Variants in KALRN observed in about 807,000 individuals in gnomAD.
The protein encoded by KALRN is kalirin.
KALRN carries 70 observed loss-of-function variants against 353.7 expected under a neutral mutation model. The ratio of observed to expected loss-of-function variants is 0.20; its 90% CI spans 0.16 to 0.24. The LOEUF is 0.24. KALRN is among the 10% of genes least tolerant of loss of function. The pLI is 1.00. For missense variants in KALRN, 2,791 were observed against 3,756.7 expected, an observed-to-expected ratio of 0.74 and a Z score of 6.72; for synonymous variants, 1,391 against 1,434.8, an observed-to-expected ratio of 0.97 and a Z score of 0.69.
At chr3:124,504,927 CA>C (rs1420434492) in intron 33 of KALRN, 2 of 508,278 alleles carry the variant, frequency 3.9e-6, no homozygotes, top group Non-Finnish European at 8.1e-6. Context: ...TAGCTGGAGA[CA>C]GTCCAAGGCA....
At chr3:124,559,432 G>T (rs1486407659) in intron 33 of KALRN, among the ~76,000 whole-genome samples, 1 of 152,160 alleles carries the variant, frequency 6.6e-6, no homozygotes, top group Non-Finnish European at 1.5e-5. Flanking sequence ...AGGGTTCTAG[G>T]GAATTAGGCA....
intron 1 of KALRN, among the ~76,000 whole-genome samples, chr3:124,061,755 C>T (rs980341946): frequency 2.0e-5 from 3 of 152,106 alleles, no homozygotes; most frequent in African/African-American, 7.2e-5. Flanking sequence ...GTGTGAGTAC[C>T]TTTGTTTTAG....
intron 1 of KALRN, among the ~76,000 whole-genome samples, chr3:124,183,321 G>A (rs2073849812): frequency 6.6e-6 from 1 of 152,174 alleles, no homozygotes; most frequent in South Asian, 2.1e-4. Flanking sequence ...TCTGCTTCTG[G>A]TGAGGTCTCA....
intron 10 of KALRN, among the ~76,000 whole-genome samples, chr3:124,349,732 A>G (rs570459203): frequency 6.6e-6 from 1 of 152,312 alleles, no homozygotes; most frequent in South Asian, 2.1e-4. Flanking sequence ...AAAAAAAAAG[A>G]AAGCCTCATA....
intron 24 of KALRN, among the ~76,000 whole-genome samples, chr3:124,462,290 C>A (rs964607935): frequency 5.3e-5 from 8 of 152,150 alleles, no homozygotes; most frequent in African/African-American, 1.7e-4. Flanking sequence ...AAAGTCCACA[C>A]ACATTTAATA....
At chr3:124,193,901 A>T (rs2075182015) in intron 1 of KALRN, among the ~76,000 whole-genome samples, 1 of 152,114 alleles carries the variant, frequency 6.6e-6, no homozygotes, top group Admixed American at 6.5e-5. Flanking sequence ...AACTCTTTAT[A>T]AGTATCATTT....
intron 3 of KALRN, among the ~76,000 whole-genome samples, chr3:124,240,434 GC>G (rs2080292409): frequency 6.6e-6 from 1 of 152,202 alleles, no homozygotes; most frequent in Non-Finnish European, 1.5e-5. Flanking sequence ...GATCCCTCAG[GC>G]ATTGCAGGCC....
chr3:124,426,706 C>A (rs1020642371), intron 15 of KALRN, among the ~76,000 whole-genome samples: 1 of 152,190 alleles, frequency 6.6e-6, no homozygotes, highest in Admixed American at 6.5e-5. Context: ...CCACTGATTA[C>A]AGCCCATGGA....
At chr3:124,668,053 C>CACACACAT (rs1415102031) in intron 47 of KALRN, among the ~76,000 whole-genome samples, 7 of 65,302 alleles carry the variant, frequency 1.1e-4, no homozygotes, top group African/African-American at 4.7e-4. Flanking sequence ...GACACACACA[C>CACACACAT]ACACACACAC....
chr3:124,378,723 C>T (rs1194567882), intron 10 of KALRN, among the ~76,000 whole-genome samples: 1 of 151,868 alleles, frequency 6.6e-6, no homozygotes, highest in Admixed American at 6.6e-5. Flanking sequence ...TCTTTTAGTA[C>T]TTTAAAGATG....
chr3:124,413,429 G>C, intron 13 of KALRN, 41 bp from the exon 14 acceptor site: 2 of 1,552,856 alleles, frequency 1.3e-6, no homozygotes, highest in Non-Finnish European at 1.8e-6. Context: ...ATCTCTCGTG[G>C]ACCTGGTGAG....
intron 1 of KALRN, among the ~76,000 whole-genome samples, chr3:124,092,111 T>A (rs538624746): frequency 6.6e-6 from 1 of 152,266 alleles, no homozygotes; most frequent in South Asian, 2.1e-4. Flanking sequence ...TGTTCTTAGG[T>A]CTGTTTGCGG....
chr3:124,368,588 A>G (rs1384741695), intron 10 of KALRN, among the ~76,000 whole-genome samples: 3 of 142,552 alleles, frequency 2.1e-5, no homozygotes, highest in African/African-American at 7.9e-5. Flanking sequence ...CTGGGCAGCC[A>G]GGCAGAGGGG....
chr3:124,269,906 C>A (rs1034123269), intron 5 of KALRN, among the ~76,000 whole-genome samples: 7 of 152,198 alleles, frequency 4.6e-5, no homozygotes, highest in Non-Finnish European at 1.0e-4. Context: ...GCTCTTCCTG[C>A]CATACCCACT....
chr3:124,699,040 A>T (rs937182036), intron 55 of KALRN, among the ~76,000 whole-genome samples: 2 of 151,912 alleles, frequency 1.3e-5, no homozygotes, highest in Non-Finnish European at 2.9e-5. Flanking sequence ...CCGAACCAAA[A>T]CCATTTGTTT....
intron 34 of KALRN, among the ~76,000 whole-genome samples, chr3:124,616,435 G>A (rs2078607332): frequency 6.6e-6 from 1 of 152,144 alleles, no homozygotes; most frequent in Admixed American, 6.5e-5. Flanking sequence ...TTCATAACAG[G>A]TTTTGAGTTT....
intron 57 of KALRN, among the ~76,000 whole-genome samples, chr3:124,705,175 A>C (rs553516182): frequency 6.6e-6 from 1 of 152,334 alleles, no homozygotes; most frequent in Admixed American, 6.5e-5. Context: ...CCATTGCTAT[A>C]TAAAAAGGTA....
At chr3:124,477,158 G>C in intron 26 of KALRN, 87 bp from the exon 27 acceptor site, 1 of 911,392 alleles carries the variant, frequency 1.1e-6, no homozygotes, top group African/African-American at 1.6e-5. Flanking sequence ...GGTCTTAACT[G>C]TACAGCCCTT....
chr3:124,127,138 T>C lies in KALRN; in HGVS notation c.73+93325T>C, dbSNP rs182680132. 7.0e-4 allele frequency among the ~76,000 whole-genome samples: 107 copies of C among 152,304 alleles called. No homozygotes were observed. The South Asian group carries it at 0.014, about 20-fold the overall frequency. On this transcript the variant is annotated intron_variant, in intron 1 of 59. Coordinates refer to ENST00000682506, the MANE Select transcript of KALRN (RefSeq NM_001388419.1). The stretch of plus-strand genomic sequence containing the variant: ...TTCAAATTGGTTGCAGATTTGTGGG[T>C]GAGACTTGCCTTGTTATTGTCTTCC...
Sources: allele counts gnomAD v4.1 joint callset (sites outside exome capture counted in the v4.1 genomes callset), GRCh38; gene constraint gnomAD v4.1.1; transcripts MANE v1.5; gene names NCBI Gene and HGNC (gene_info 2026-07-23, HGNC 2026-07-21).